Variants in GALNT18 observed in about 807,000 individuals in gnomAD.
GALNT18 encodes the protein polypeptide N-acetylgalactosaminyltransferase 18, also known as GalNAc-transferase 18.
A neutral mutation model predicts 69.5 loss-of-function variants in GALNT18; 44 were observed. The ratio of observed to expected loss-of-function variants is 0.63; its 90% CI spans 0.50 to 0.81. The LOEUF (loss-of-function observed/expected upper bound fraction) is 0.81. Ranked by LOEUF, GALNT18 falls within the 40% of genes least tolerant of loss-of-function variation. The pLI is 0.00. For missense variants in GALNT18, 715 were observed against 810.0 expected, an observed-to-expected ratio of 0.88 and a Z score of 1.42; for synonymous variants, 364 against 318.2, an observed-to-expected ratio of 1.14 and a Z score of -1.53.
Position 11,621,320 on chromosome 11 carries a change from G to A in GALNT18, c.235+39C>T, listed in dbSNP as rs928451078. ...ACCCCGCGCCGCGCGGGGCACTCCC[G>A]GGCCTCATGGGCGACCCAAGTTTCC... is the stretch of plus-strand genomic sequence containing the variant. On this transcript the variant is annotated intron_variant, in intron 1 of 10. Transcript: ENST00000227756. This position sits in a 1 kb window ranked among gnomAD's most constrained non-coding sequence, Gnocchi z 9.3. 1.3e-6 allele frequency: 2 copies of A among 1,576,878 alleles called. No homozygotes were observed. Among genetic ancestry groups the A allele is most frequent in the Non-Finnish European group, 1.7e-6 (2 of 1,149,314 alleles).
intron 9 of GALNT18, among the ~76,000 whole-genome samples, chr11:11,301,164 G>C (rs1315269202): frequency 6.6e-6 from 1 of 152,198 alleles, no homozygotes; most frequent in African/African-American, 2.4e-5. Flanking sequence ...CCCGTCTTGA[G>C]TCTGATCAAT....
At chr11:11,361,163 T>C (rs1238702216) in intron 6 of GALNT18, among the ~76,000 whole-genome samples, 3 of 152,232 alleles carry the variant, frequency 2.0e-5, no homozygotes, top group Non-Finnish European at 4.4e-5. Flanking sequence ...GAAGGATGAA[T>C]GAATGAATAA....
intron 9 of GALNT18, among the ~76,000 whole-genome samples, 199 bp from the exon 10 acceptor site, chr11:11,293,392 G>A (rs922434027): frequency 1.3e-5 from 2 of 152,174 alleles, no homozygotes; most frequent in African/African-American, 4.8e-5. Flanking sequence ...ATCCGGTATA[G>A]TGTCTGGTCC....
rs1856082304 is a variant in GALNT18 at position 11,463,161 on chromosome 11, A to G, written c.236-14225T>C. Among the ~76,000 whole-genome samples, 1 of 152,014 alleles carries G rather than the reference A, an allele frequency of 6.6e-6. No individual in the cohort carries two copies. Among genetic ancestry groups the G allele is most frequent in the Admixed American group, 6.6e-5 (1 of 15,266 alleles). The stretch of plus-strand genomic sequence containing the variant: ...AGGGTTCCTGCTTCCCTCAGTTATC[A>G]CTGGCTGTATCCTCACACATGGACA... On this transcript the variant is annotated intron_variant, in intron 1 of 10. Transcript: ENST00000227756. This position sits in a 1 kb window ranked among gnomAD's most constrained non-coding sequence, Gnocchi z 4.2.
Position 11,402,110 on chromosome 11 carries a change from A to G in GALNT18, c.596-22846T>C, listed in dbSNP as rs1329638870. On this transcript the variant is annotated intron_variant, in intron 3 of 10. Transcript: ENST00000227756. The surrounding 1 kb of genome is among the most constrained non-coding windows in gnomAD (Gnocchi z 4.0). ...TTAGGTGAATTCAAGGTAATCACAGATGGCTGGCACAGAATTCTTCACATA... is the reference window on the plus strand; with the variant it reads ...TTAGGTGAATTCAAGGTAATCACAGGTGGCTGGCACAGAATTCTTCACATA... Among the ~76,000 whole-genome samples, 1 of 152,272 alleles carries G rather than the reference A, an allele frequency of 6.6e-6. No individual in the cohort carries two copies. Among genetic ancestry groups the G allele is most frequent in the Admixed American group, 6.5e-5 (1 of 15,286 alleles).
At chr11:11,313,130 G>T (rs531578646) in intron 9 of GALNT18, among the ~76,000 whole-genome samples, 12 of 152,144 alleles carry the variant, frequency 7.9e-5, no homozygotes, top group Non-Finnish European at 1.6e-4. Context: ...GAAGGGAAGT[G>T]GGGGGCTTTG....
chr11:11,416,557 A>C (rs1446322442), intron 3 of GALNT18, among the ~76,000 whole-genome samples: 1 of 152,210 alleles, frequency 6.6e-6, no homozygotes, highest in Non-Finnish European at 1.5e-5. Flanking sequence ...CAGGTGAGGA[A>C]AGGTTTAAAG....
At chr11:11,374,440 T>C (rs966543928) in intron 5 of GALNT18, among the ~76,000 whole-genome samples, 19 of 152,248 alleles carry the variant, frequency 1.2e-4, no homozygotes, top group African/African-American at 4.6e-4. Flanking sequence ...TCTCTTTAAA[T>C]ACGTGATGAT....
At chr11:11,611,442 A>T (rs868507006) in intron 1 of GALNT18, among the ~76,000 whole-genome samples, 4 of 152,164 alleles carry the variant, frequency 2.6e-5, no homozygotes, top group African/African-American at 7.2e-5. Context: ...CCTTCAAGCA[A>T]GTCAGCGTTC....
rs1222316617 is a variant in GALNT18, at chr11:11,592,950, C to T, written c.235+28409G>A. 6.7e-6 allele frequency among the ~76,000 whole-genome samples: 1 copy of T among 150,306 alleles called. No homozygotes were observed. Among genetic ancestry groups the T allele is most frequent in the Non-Finnish European group, 1.5e-5 (1 of 68,030 alleles). ...TTCTGTTTGTTTTTTGTTTTTGTCT[C>T]TGTCTCCCAGGCTGGAGTGCAGTGG... is the stretch of plus-strand genomic sequence containing the variant. On this transcript the variant is annotated intron_variant, in intron 1 of 10. Transcript: ENST00000227756. The surrounding 1 kb of genome is among the most constrained non-coding windows in gnomAD (Gnocchi z 5.9).
intron 2 of GALNT18, among the ~76,000 whole-genome samples, chr11:11,440,014 A>C (rs961731825): frequency 1.3e-5 from 2 of 152,220 alleles, no homozygotes; most frequent in African/African-American, 4.8e-5. Context: ...TGCAGGAGAA[A>C]TCGGCCAGAC....
intron 9 of GALNT18, among the ~76,000 whole-genome samples, chr11:11,311,779 C>T (rs1043360500): frequency 2.0e-5 from 3 of 152,202 alleles, no homozygotes; most frequent in African/African-American, 7.2e-5. Flanking sequence ...GATACAGATT[C>T]TGCCAGCTCT....
intron 1 of GALNT18, among the ~76,000 whole-genome samples, chr11:11,561,575 C>T (rs1306902119): frequency 6.6e-6 from 1 of 152,202 alleles, no homozygotes; most frequent in Non-Finnish European, 1.5e-5. Flanking sequence ...AGCTAAAAAA[C>T]AGATGTCAAG....
chr11:11,273,050 A>C (rs1361690567), intron 10 of GALNT18, among the ~76,000 whole-genome samples: 1 of 152,228 alleles, frequency 6.6e-6, no homozygotes, highest in Non-Finnish European at 1.5e-5. Context: ...TAGGTTAAAG[A>C]CTTAAATCTA....
In GALNT18 at chr11:11,582,789, CT is replaced by C. The variant is rs1223360975; in HGVS notation, c.235+38569del. On this transcript the variant is annotated intron_variant, in intron 1 of 10. Transcript: ENST00000227756. This position sits in a 1 kb window ranked among gnomAD's most constrained non-coding sequence, Gnocchi z 5.0. ...CCTACAATTAATAATCATTACAGGG[CT>C]TTAGGAAGTAAGCATTTTTAAAAGA... Among the ~76,000 whole-genome samples, 1 of 152,162 alleles carries C rather than the reference CT, an allele frequency of 6.6e-6. No homozygotes were observed.
At chr11:11,578,283 C>A (rs1245912549) in intron 1 of GALNT18, among the ~76,000 whole-genome samples, 5 of 115,582 alleles carry the variant, frequency 4.3e-5, no homozygotes, top group Non-Finnish European at 6.6e-5. Flanking sequence ...CACTGGCTAG[C>A]AAAAGACAGC....
intron 1 of GALNT18, among the ~76,000 whole-genome samples, chr11:11,493,169 G>A (rs1045707500): frequency 2.7e-5 from 4 of 149,722 alleles, no homozygotes; most frequent in Non-Finnish European, 5.9e-5. Flanking sequence ...GCTGAGGCAG[G>A]AGAATCGCTT....
chr11:11,488,266 G>A (rs948233616), intron 1 of GALNT18, among the ~76,000 whole-genome samples: 1 of 152,120 alleles, frequency 6.6e-6, no homozygotes, highest in African/African-American at 2.4e-5. Context: ...GCAGGCTCTC[G>A]CGGAGAATCC....
At chr11:11,581,733 C>T (rs1404468453) in intron 1 of GALNT18, among the ~76,000 whole-genome samples, 4 of 152,142 alleles carry the variant, frequency 2.6e-5, no homozygotes, top group Non-Finnish European at 5.9e-5. Context: ...ATCCAGGGGC[C>T]TAAAAAGAAT....
Sources: gnomAD v4.1 joint callset for allele counts (sites outside exome capture counted in the v4.1 genomes callset) on GRCh38, gnomAD v4.1.1 for gene constraint, Gnocchi (gnomAD v3.1) non-coding constraint, MANE v1.5 for transcripts, NCBI Gene and HGNC (gene_info 2026-07-23, HGNC 2026-07-21) for gene names.